SPIDR: variants seen among roughly 807,000 people sequenced by gnomAD.
SPIDR encodes DNA repair-scaffolding protein.
A neutral mutation model predicts 104.6 loss-of-function variants in SPIDR; 93 were observed. That is an observed-to-expected ratio of 0.89 (90% CI 0.75 to 1.06). The LOEUF (loss-of-function observed/expected upper bound fraction) is 1.06, where lower values mean the gene tolerates loss of function less well. SPIDR is among the 50% of genes least tolerant of loss of function. The pLI is 0.00. For synonymous variants in SPIDR, 431 were observed against 416.9 expected (o/e 1.03, Z -0.41); for missense variants, 1,154 against 1,111.2 (o/e 1.04, Z -0.55).
intron 5 of SPIDR, among the ~76,000 whole-genome samples, chr8:47,365,181 A>T (rs1354962976): frequency 1.3e-5 from 2 of 152,182 alleles, no homozygotes; most frequent in African/African-American, 2.4e-5. Context: ...TCTGTGGGTG[A>T]ATCCGCCCTA....
At chr8:47,359,005 ACT>A (rs2055150281) in intron 5 of SPIDR, among the ~76,000 whole-genome samples, 1 of 152,034 alleles carries the variant, frequency 6.6e-6, no homozygotes, top group South Asian at 2.1e-4. Flanking sequence ...TAAGACACTA[ACT>A]CTAGCATGAC....
chr8:47,588,044 T>TGC (rs1275423902), intron 8 of SPIDR, among the ~76,000 whole-genome samples: 1 of 50,224 alleles, frequency 2.0e-5, no homozygotes, highest in Non-Finnish European at 3.6e-5. Flanking sequence ...TATATATATA[T>TGC]ATATATATAT....
chr8:47,362,487 A>G (rs2056230992), intron 5 of SPIDR, among the ~76,000 whole-genome samples: 1 of 152,168 alleles, frequency 6.6e-6, no homozygotes, highest in Non-Finnish European at 1.5e-5. Context: ...ACATCACTAC[A>G]CATTGGTATG....
At position 47,284,084 on chromosome 8, in the gene SPIDR, A is replaced by G. The variant is rs1452302356; in HGVS notation, c.246A>G (p.Arg82=). 18 of 1,610,826 alleles carry G rather than the reference A, an allele frequency of 1.1e-5. No homozygotes were observed. The highest frequency in any genetic ancestry group is 1.2e-5 in the Non-Finnish European group (14 of 1,178,488). The change falls in exon 3 of 20, where the codon AGA becomes AGG. Residue 82 remains arginine (R), a synonymous_variant. Coordinates refer to ENST00000297423, the MANE Select transcript of SPIDR (RefSeq NM_001080394.4). ...ITEKHLELCP[R]PKQETTTSKS... ...AAAAGCACCTTGAATTATGCCCTAG[A>G]CCCAAGCAAGGTAACTATTTTGTTG...
chr8:47,529,357 G>C (rs942751715), intron 8 of SPIDR, among the ~76,000 whole-genome samples: 2 of 152,140 alleles, frequency 1.3e-5, no homozygotes, highest in Non-Finnish European at 2.9e-5. Context: ...GGTGGAGGTT[G>C]CAGTGAGCCG....
chr8:47,406,793 A>C (rs1397215810), intron 6 of SPIDR, among the ~76,000 whole-genome samples: 1 of 152,184 alleles, frequency 6.6e-6, no homozygotes, highest in Non-Finnish European at 1.5e-5. Flanking sequence ...CTAGTTCCTC[A>C]TCTGGTTAGT....
At chr8:47,331,551 T>C (rs2048667744) in intron 5 of SPIDR, among the ~76,000 whole-genome samples, 1 of 152,174 alleles carries the variant, frequency 6.6e-6, no homozygotes, top group South Asian at 2.1e-4. Context: ...GCACTTACCA[T>C]GAATGGAGCT....
chr8:47,390,317 CAT>C (rs781941370), intron 5 of SPIDR, among the ~76,000 whole-genome samples: 11 of 152,034 alleles, frequency 7.2e-5, no homozygotes, highest in South Asian at 6.2e-4. Context: ...ATAGTACACA[CAT>C]GTTACAGTTT....
chr8:47,602,126 A>G (rs2062376940), intron 10 of SPIDR, among the ~76,000 whole-genome samples: 1 of 152,208 alleles, frequency 6.6e-6, no homozygotes, highest in Admixed American at 6.5e-5. Context: ...TAGCACGAAT[A>G]TTATTAGAAG....
intron 3 of SPIDR, among the ~76,000 whole-genome samples, chr8:47,288,091 G>T (rs939060078): frequency 1.5e-4 from 23 of 152,096 alleles, no homozygotes; most frequent in Admixed American, 6.6e-5. Context: ...TCTGTTCGGG[G>T]TCCCTGACTT....
rs182961851 is a variant in SPIDR, at chr8:47,502,128, T to G, written c.1097+61586T>G. Among the ~76,000 whole-genome samples the G allele has an allele frequency of 4.1e-3, 627 of 152,362 alleles. 5 individuals are homozygous for G. Among genetic ancestry groups the G allele is most frequent in the African/African-American group, 0.014 (593 of 41,586 alleles). Reference sequence around the variant, plus strand: ...TTTTTTTGTTGTGTCTCTGCCAGGCTTTGGTATCAGGATGATGCTGGCCTC... The same window carrying G: ...TTTTTTTGTTGTGTCTCTGCCAGGCGTTGGTATCAGGATGATGCTGGCCTC... On this transcript the variant is annotated intron_variant, in intron 8 of 19. Transcript: ENST00000297423.
chr8:47,482,099 T>C (rs1554727600), intron 8 of SPIDR, among the ~76,000 whole-genome samples: 1 of 152,226 alleles, frequency 6.6e-6, no homozygotes, highest in Non-Finnish European at 1.5e-5. Flanking sequence ...TGGGTATTTG[T>C]ACCTGAAGTA....
intron 6 of SPIDR, among the ~76,000 whole-genome samples, chr8:47,405,098 G>A (rs943030587): frequency 6.6e-5 from 10 of 152,006 alleles, no homozygotes; most frequent in South Asian, 4.1e-4. Context: ...GGAAACTGTC[G>A]CAGGGAAGGA....
At chr8:47,702,082 CTCTCTCTCTCTCTCTT>C (rs1294919050) in intron 14 of SPIDR, 67 bp downstream of exon 14, 7,729 of 344,706 alleles carry the variant, frequency 0.022, 1,428 homozygotes, top group South Asian at 0.099. Context: ...CTCTCTCTCT[CTCTCTCTCTCTCTCTT>C]ACACACACAC....
intron 9 of SPIDR, among the ~76,000 whole-genome samples, chr8:47,597,704 T>C (rs1276513916): frequency 6.6e-6 from 1 of 152,256 alleles, no homozygotes; most frequent in Non-Finnish European, 1.5e-5. Flanking sequence ...TAAAAAGAAC[T>C]GCATAAGCTT....
At chr8:47,517,754 T>C (rs1029368652) in intron 8 of SPIDR, among the ~76,000 whole-genome samples, 2 of 152,230 alleles carry the variant, frequency 1.3e-5, no homozygotes, top group African/African-American at 4.8e-5. Flanking sequence ...AATTTGCTAA[T>C]TTTCGTGGTT....
chr8:47,638,522 C>T (rs573956041), intron 10 of SPIDR, among the ~76,000 whole-genome samples: 4 of 152,230 alleles, frequency 2.6e-5, no homozygotes, highest in Admixed American at 6.5e-5. Context: ...TATGAATGCT[C>T]GGTTGTGGAA....
At chr8:47,401,694 A>T (rs2061913550) in intron 6 of SPIDR, among the ~76,000 whole-genome samples, 1 of 152,358 alleles carries the variant, frequency 6.6e-6, no homozygotes, top group South Asian at 2.1e-4. Context: ...CTTGTCTCTG[A>T]TAAAACAGAC....
At chr8:47,431,385 G>C (rs1460174263) in intron 7 of SPIDR, among the ~76,000 whole-genome samples, 1 of 152,186 alleles carries the variant, frequency 6.6e-6, no homozygotes, top group African/African-American at 2.4e-5. Flanking sequence ...ACACACCCCT[G>C]TTGTTTGGCT....
Sources: allele counts gnomAD v4.1 joint callset (sites outside exome capture counted in the v4.1 genomes callset), GRCh38; gene constraint gnomAD v4.1.1; transcripts MANE v1.5; gene names NCBI Gene and HGNC (gene_info 2026-07-23, HGNC 2026-07-21).